The following CELF4 variants were observed in gnomAD, a reference collection of about 807,000 sequenced individuals.
The protein encoded by CELF4 is CUG-BP- and ETR-3-like factor 4.
In CELF4, 18 loss-of-function variants were observed where a neutral mutation model predicts 59.9. That is an observed-to-expected ratio of 0.30 (90% confidence interval 0.21 to 0.45). The LOEUF (loss-of-function observed/expected upper bound fraction) is 0.45. CELF4 is among the 20% of genes least tolerant of loss of function. The probability of loss-of-function intolerance (pLI) is 1.00; values close to 1 mark genes in which losing one functional copy is unlikely to be tolerated. For missense variants in CELF4, 456 were observed against 689.0 expected, an observed-to-expected ratio of 0.66 and a Z score of 3.79; for synonymous variants, 261 against 267.1, an observed-to-expected ratio of 0.98 and a Z score of 0.22.
intron 1 of CELF4, among the ~76,000 whole-genome samples, chr18:37,556,383 G>A (rs7231520): frequency 1.2e-4 from 19 of 152,270 alleles, no homozygotes; most frequent in African/African-American, 4.6e-4. Flanking sequence ...TGAGCTCAGG[G>A]TCTCAACCTT....
chr18:37,532,439 C>T (rs184155815), intron 1 of CELF4, among the ~76,000 whole-genome samples: 26 of 152,262 alleles, frequency 1.7e-4, no homozygotes, highest in Admixed American at 1.6e-3. Context: ...GGGATGGATG[C>T]TATCTTTTGG....
intron 2 of CELF4, among the ~76,000 whole-genome samples, chr18:37,423,357 G>C (rs2099592141): frequency 1.3e-5 from 2 of 152,160 alleles, no homozygotes; most frequent in Admixed American, 1.3e-4. Context: ...CTGACTCCTC[G>C]GGGGACTGGC....
At chr18:37,469,069 AG>A (rs1353163322) in intron 2 of CELF4, among the ~76,000 whole-genome samples, 1 of 152,170 alleles carries the variant, frequency 6.6e-6, no homozygotes, top group Non-Finnish European at 1.5e-5. Context: ...TTCCCAGCCT[AG>A]GGAAAGTGGG....
intron 2 of CELF4, among the ~76,000 whole-genome samples, chr18:37,327,950 G>A (rs1436152230): frequency 6.6e-6 from 1 of 152,212 alleles, no homozygotes; most frequent in Non-Finnish European, 1.5e-5. Context: ...CTCCTACAGG[G>A]AGGCTTCCTG....
chr18:37,550,368 T>C (rs538426900), intron 1 of CELF4, among the ~76,000 whole-genome samples: 3 of 152,132 alleles, frequency 2.0e-5, no homozygotes, highest in African/African-American at 7.2e-5. Context: ...AAATGAATAA[T>C]AGAATGGAGG....
chr18:37,377,111 G>C (rs1424474642), intron 2 of CELF4, among the ~76,000 whole-genome samples: 1 of 152,110 alleles, frequency 6.6e-6, no homozygotes, highest in Non-Finnish European at 1.5e-5. Context: ...AAGAAATGGA[G>C]AAGGAGAGAG....
At chr18:37,376,256 C>A (rs938845568) in intron 2 of CELF4, among the ~76,000 whole-genome samples, 8 of 152,244 alleles carry the variant, frequency 5.3e-5, no homozygotes, top group African/African-American at 1.7e-4. Flanking sequence ...GGCCATCTAC[C>A]TTTCAAGAGG....
chr18:37,271,353 C>T (rs1440782366), intron 7 of CELF4, among the ~76,000 whole-genome samples: 1 of 142,876 alleles, frequency 7.0e-6, no homozygotes, highest in Non-Finnish European at 1.5e-5. Flanking sequence ...CTCCTGGGTT[C>T]AAACAATTCT....
intron 10 of CELF4, among the ~76,000 whole-genome samples, chr18:37,259,667 G>A (rs1161141154): frequency 5.9e-5 from 9 of 152,138 alleles, no homozygotes; most frequent in African/African-American, 1.2e-4. Context: ...GCTCTGGGGG[G>A]ACCAGGGCAT....
At chr18:37,485,648 C>CCCCCGGG in intron 1 of CELF4, 41 bp from the exon 2 acceptor site, 1 of 1,300,536 alleles carries the variant, frequency 7.7e-7, no homozygotes, top group South Asian at 2.1e-5. Flanking sequence ...CAGTGGGGCG[C>CCCCCGGG]CCCCGGGCCC....
At chr18:37,524,593 G>A (rs1214508622) in intron 1 of CELF4, among the ~76,000 whole-genome samples, 2 of 152,074 alleles carry the variant, frequency 1.3e-5, no homozygotes, top group African/African-American at 4.8e-5. Flanking sequence ...CAGCCCCGGA[G>A]CGGGAAGATC....
chr18:37,319,994 G>A (rs1209241903), intron 3 of CELF4, among the ~76,000 whole-genome samples: 2 of 152,180 alleles, frequency 1.3e-5, no homozygotes, highest in Non-Finnish European at 2.9e-5. Flanking sequence ...AGGGTAGGCT[G>A]GGGCCACCTT....
chr18:37,390,762 A>C (rs1404477282), intron 2 of CELF4, among the ~76,000 whole-genome samples: 1 of 109,266 alleles, frequency 9.2e-6, no homozygotes, highest in East Asian at 3.3e-4. Context: ...CTACCTGCTG[A>C]AGAGCTGGGT....
chr18:37,381,047 C>T (rs1476234677), intron 2 of CELF4, among the ~76,000 whole-genome samples: 2 of 151,550 alleles, frequency 1.3e-5, no homozygotes, highest in Non-Finnish European at 2.9e-5. Flanking sequence ...CATCTACCAT[C>T]CATCCATCCA....
intron 2 of CELF4, among the ~76,000 whole-genome samples, chr18:37,348,976 ACTGGCCC>A (rs1193640522): frequency 6.6e-6 from 1 of 151,984 alleles, no homozygotes; most frequent in Non-Finnish European, 1.5e-5. Context: ...GGCTGATCAA[ACTGGCCC>A]CTGACCTTGC....
At chr18:37,495,633 TC>T (rs2099924324) in intron 1 of CELF4, among the ~76,000 whole-genome samples, 2 of 152,016 alleles carry the variant, frequency 1.3e-5, no homozygotes, top group South Asian at 4.2e-4. Flanking sequence ...GGCAGAGAAT[TC>T]CCCTTGCTGG....
intron 2 of CELF4, among the ~76,000 whole-genome samples, chr18:37,330,859 C>T (rs1279082742): frequency 2.6e-5 from 4 of 152,014 alleles, no homozygotes; most frequent in Non-Finnish European, 5.9e-5. Context: ...CAAAGTGGCG[C>T]GTTGCACCTT....
chr18:37,365,481 ATTTTTTTT>A (rs10670336), intron 2 of CELF4, among the ~76,000 whole-genome samples: 1 of 97,764 alleles, frequency 1.0e-5, no homozygotes, highest in Non-Finnish European at 1.9e-5. Context: ...GGATGGGGCA[ATTTTTTTT>A]TTTTTTTTTT....
At chr18:37,266,282 C>G in intron 9 of CELF4, 2 of 588,314 alleles carry the variant, frequency 3.4e-6, no homozygotes, top group Non-Finnish European at 6.1e-6. Flanking sequence ...AACTGCCCAG[C>G]AAGGGTGAAA....
Sources: allele counts gnomAD v4.1 joint callset (sites outside exome capture counted in the v4.1 genomes callset), GRCh38; gene constraint gnomAD v4.1.1; transcripts MANE v1.5; gene names NCBI Gene and HGNC (gene_info 2026-07-23, HGNC 2026-07-21).